The following COPS2 variants were observed in gnomAD, a reference collection of about 807,000 sequenced individuals.
COPS2 encodes COP9 signalosome complex subunit 2.
A neutral mutation model predicts 66.1 loss-of-function variants in COPS2; 10 were observed. The observed-to-expected ratio is 0.15, with a 90% CI of 0.09 to 0.26. The LOEUF (loss-of-function observed/expected upper bound fraction) is 0.26. Among genes scored for constraint, COPS2 ranks in the 10% least tolerant of loss-of-function variants. COPS2 has a pLI of 1.00. For synonymous variants in COPS2, 179 were observed against 171.3 expected (o/e 1.04, Z -0.35); for missense variants, 215 against 513.3 (o/e 0.42, Z 5.62).
chr15:49,140,438 A>ATG (rs1288952253), intron 3 of COPS2, among the ~76,000 whole-genome samples: 2 of 152,222 alleles, frequency 1.3e-5, no homozygotes, highest in African/African-American at 4.8e-5. Flanking sequence ...GGTTATATAT[A>ATG]AAAATGTGAA....
At chr15:49,151,940 C>G (rs1027985111) in intron 1 of COPS2, among the ~76,000 whole-genome samples, 1 of 151,424 alleles carries the variant, frequency 6.6e-6, no homozygotes, top group African/African-American at 2.4e-5. Flanking sequence ...TCCTAACTAC[C>G]TATTTCTACC....
intron 9 of COPS2, among the ~76,000 whole-genome samples, chr15:49,132,263 T>C (rs753620873): frequency 1.3e-5 from 2 of 151,468 alleles, no homozygotes; most frequent in Non-Finnish European, 2.9e-5. Context: ...ACAAATAAAT[T>C]AAAATAAAGT....
Position 49,137,335 on chromosome 15 carries a change from T to C in COPS2, c.462+13A>G, listed in dbSNP as rs756577909. The C allele has an allele frequency of 1.3e-6, 2 of 1,587,048 alleles. No homozygotes were observed. The highest frequency in any genetic ancestry group is 1.3e-5 in the African/African-American group (1 of 74,218). ...ACTTTTCAAAAGAAAAGTGTAAGTA[T>C]TATAACGGTTACCTTTGTGTTTGTC... On this transcript the variant is annotated intron_variant, in intron 5 of 12. Transcript: ENST00000388901.
At position 49,126,715 on chromosome 15, in the gene COPS2, C is replaced by G. The variant is rs1052738517; in HGVS notation, c.*1235G>C. 3.3e-5 allele frequency: 5 copies of G among 152,012 alleles called. No homozygotes were observed. The highest frequency in any genetic ancestry group is 7.4e-5 in the Non-Finnish European group (5 of 67,944). 9.4% of individuals were successfully genotyped at this position (152,012 alleles called of 1,614,324 possible). On this transcript the variant is annotated 3_prime_UTR_variant, in exon 13 of 13. Transcript: ENST00000388901. The stretch of plus-strand genomic sequence containing the variant: ...TTCTCCTAAGTATACTGCCACTGCT[C>G]AAAAAACCTTTAAAACTCTTTTGGG...
intron 4 of COPS2, among the ~76,000 whole-genome samples, chr15:49,138,348 C>T (rs963836023): frequency 6.6e-6 from 1 of 151,986 alleles, no homozygotes; most frequent in African/African-American, 2.4e-5. Flanking sequence ...TGCATGACTG[C>T]TGATGGCATA....
intron 1 of COPS2, among the ~76,000 whole-genome samples, chr15:49,153,460 G>A (rs2084376523): frequency 6.6e-6 from 1 of 152,140 alleles, no homozygotes; most frequent in African/African-American, 2.4e-5. Context: ...TTTTGATGGA[G>A]ATGTAAATTA....
At chr15:49,134,540 G>A (rs1429595337) in intron 6 of COPS2, 26 bp from the exon 7 acceptor site, 1 of 1,551,648 alleles carries the variant, frequency 6.4e-7, no homozygotes, top group East Asian at 2.2e-5. Context: ...TTTAACTTTA[G>A]ACAAGATAGA....
rs562336066 is a variant in COPS2, at chr15:49,150,620, A to G, written c.54+4905T>C. Among the ~76,000 whole-genome samples, 14 of 152,330 alleles carry G rather than the reference A, an allele frequency of 9.2e-5. No individual in the cohort carries two copies. The South Asian group carries it at 2.1e-3, about 23-fold the overall frequency. On this transcript the variant is annotated intron_variant, in intron 1 of 12. Coordinates refer to ENST00000388901, the MANE Select transcript of COPS2 (RefSeq NM_004236.4). ...TAAAAAATAATGGCAACATGGGTGGAGCTGGAGGCCATTTTTCCTACCCAA... is the reference window on the plus strand; with the variant it reads ...TAAAAAATAATGGCAACATGGGTGGGGCTGGAGGCCATTTTTCCTACCCAA...
Position 49,155,553 on chromosome 15 carries a change from A to G in COPS2, c.26T>C (p.Met9Thr). 1 of 1,614,200 alleles carries G rather than the reference A, an allele frequency of 6.2e-7. No individual in the cohort carries two copies. Among genetic ancestry groups the G allele is most frequent in the Non-Finnish European group, 8.5e-7 (1 of 1,180,028 alleles). ...GTCGTAGTCCTCCTCATCATCGCACATGAAATCATCCTCCATGTCAGACAT... is the reference window on the plus strand; with the variant it reads ...GTCGTAGTCCTCCTCATCATCGCACGTGAAATCATCCTCCATGTCAGACAT... MSDMEDDF[M>T]CDDEEDYDLE... The change falls in exon 1 of 13, where the codon ATG (methionine) becomes ACG (threonine). Residue 9 changes from methionine (M) to threonine (T), a missense_variant. Coordinates refer to ENST00000388901, the MANE Select transcript of COPS2 (RefSeq NM_004236.4).
Position 49,128,094 on chromosome 15 carries a change from G to C in COPS2, c.1188C>G (p.Asn396Lys). Residue 396 changes from asparagine (N) to lysine (K), a missense_variant and splice_region_variant, in exon 13 of 13, where the codon AAC becomes AAG. Transcript: ENST00000388901. ...CTTGATCAATTCGGCCATGAATAGT[G>C]CTAGAAAGAAATAAATAAGATGTGT... ...ESLLVQCILD[N>K]TIHGRIDQVN... 1 of 1,612,066 alleles carries C rather than the reference G, an allele frequency of 6.2e-7. No homozygotes were observed. The highest frequency in any genetic ancestry group is 8.5e-7 in the Non-Finnish European group (1 of 1,179,008).
In COPS2 at chr15:49,123,903, T is replaced by C. The variant is rs2084143080; in HGVS notation, c.*4047A>G. The C allele has an allele frequency of 1.3e-5, 2 of 152,310 alleles. No homozygotes were observed. Among genetic ancestry groups the C allele is most frequent in the African/African-American group, 4.8e-5 (2 of 41,570 alleles). The allele number at this position is 152,310 out of a possible 1,614,324, so 9.4% of individuals were successfully genotyped here. On this transcript the variant is annotated 3_prime_UTR_variant, in exon 13 of 13. Coordinates refer to ENST00000388901, the MANE Select transcript of COPS2 (RefSeq NM_004236.4). ...CTAAACTTTAGCATTTTGAGAAACA[T>C]GTAGAATCACTAGTTGACAGTTTAA...
intron 3 of COPS2, among the ~76,000 whole-genome samples, chr15:49,142,046 CT>C (rs933578931): frequency 1.8e-4 from 27 of 152,268 alleles, no homozygotes; most frequent in African/African-American, 6.5e-4. Flanking sequence ...CCTTGAAACA[CT>C]TGGTGCTTCT....
At chr15:49,138,897 A>G (rs1317631057) in intron 4 of COPS2, among the ~76,000 whole-genome samples, 1 of 152,226 alleles carries the variant, frequency 6.6e-6, no homozygotes, top group Non-Finnish European at 1.5e-5. Context: ...ACTGCTTACA[A>G]GGATAAGGAC....
At chr15:49,136,653 G>A (rs2141126456) in intron 6 of COPS2, among the ~76,000 whole-genome samples, 1 of 152,116 alleles carries the variant, frequency 6.6e-6, no homozygotes, top group Admixed American at 6.6e-5. Context: ...ATTACAATAG[G>A]CCTGTTTGTT....
intron 3 of COPS2, among the ~76,000 whole-genome samples, chr15:49,143,562 A>G (rs1046119138): frequency 6.6e-6 from 1 of 152,234 alleles, no homozygotes; most frequent in East Asian, 1.9e-4. Context: ...GGTAATAGAC[A>G]ATGAGAAGAG....
chr15:49,148,532 G>GTTAT (rs2141133130), intron 1 of COPS2, among the ~76,000 whole-genome samples: 1 of 152,308 alleles, frequency 6.6e-6, no homozygotes, highest in Non-Finnish European at 1.5e-5. Flanking sequence ...AGCACAGGAT[G>GTTAT]TTATGTAAAG....
intron 1 of COPS2, among the ~76,000 whole-genome samples, chr15:49,153,196 C>T (rs1469914980): frequency 1.3e-5 from 2 of 152,032 alleles, no homozygotes; most frequent in Non-Finnish European, 2.9e-5. Flanking sequence ...GAGGCTGAGG[C>T]GGGATGATTG....
At position 49,125,876 on chromosome 15, in the gene COPS2, C is replaced by G. The variant is rs1039741460; in HGVS notation, c.*2074G>C. 1 of 152,026 alleles carries G rather than the reference C, an allele frequency of 6.6e-6. No individual in the cohort carries two copies. Among genetic ancestry groups the G allele is most frequent in the African/African-American group, 2.4e-5 (1 of 41,422 alleles). 9.4% of individuals were successfully genotyped at this position (152,026 alleles called of 1,614,324 possible). On this transcript the variant is annotated 3_prime_UTR_variant, in exon 13 of 13. Coordinates refer to ENST00000388901, the MANE Select transcript of COPS2 (RefSeq NM_004236.4). Reference sequence around the variant, plus strand: ...AGAAAGTGGAAGATGCACTATTGTACAAAGCAAAGATAGCACAGGAGAACT... The same window carrying G: ...AGAAAGTGGAAGATGCACTATTGTAGAAAGCAAAGATAGCACAGGAGAACT...
At chr15:49,143,176 T>C (rs934621620) in intron 3 of COPS2, among the ~76,000 whole-genome samples, 2 of 152,088 alleles carry the variant, frequency 1.3e-5, no homozygotes, top group South Asian at 2.1e-4. Context: ...TTACACAGGA[T>C]TGTGCTTGGG....
Sources: gnomAD v4.1 joint callset for allele counts (sites outside exome capture counted in the v4.1 genomes callset) on GRCh38, gnomAD v4.1.1 for gene constraint, MANE v1.5 for transcripts, NCBI Gene and HGNC (gene_info 2026-07-23, HGNC 2026-07-21) for gene names.